Variants in ATXN2 observed in about 807,000 individuals in gnomAD.
ATXN2 encodes ataxin-2.
A neutral mutation model predicts 138.6 loss-of-function variants in ATXN2; 37 were observed. The ratio of observed to expected loss-of-function variants is 0.27; its 90% confidence interval spans 0.21 to 0.35. The LOEUF (loss-of-function observed/expected upper bound fraction) is 0.35, where lower values mean the gene tolerates loss of function less well. Among genes scored for constraint, ATXN2 ranks in the 10% least tolerant of loss-of-function variants. The pLI is 1.00. For synonymous variants in ATXN2, 549 were observed against 543.7 expected (o/e 1.01, Z -0.13); for missense variants, 1,216 against 1,480.3 (o/e 0.82, Z 2.93).
chr12:111,523,124 C>G (rs1232454456), intron 6 of ATXN2, among the ~76,000 whole-genome samples: 1 of 150,456 alleles, frequency 6.6e-6, no homozygotes, highest in Non-Finnish European at 1.5e-5. Context: ...ACTAAAAACA[C>G]AAAAATTAGC....
chr12:111,589,133 G>A (rs1884515801), intron 1 of ATXN2, among the ~76,000 whole-genome samples: 1 of 146,356 alleles, frequency 6.8e-6, no homozygotes, highest in Non-Finnish European at 1.5e-5. Context: ...TGGCCAACAT[G>A]ATGAAACCCC....
chr12:111,529,190 A>T (rs1425688688), intron 5 of ATXN2, among the ~76,000 whole-genome samples: 12 of 152,204 alleles, frequency 7.9e-5, no homozygotes, highest in Non-Finnish European at 1.5e-5. Context: ...GATTCCTGCA[A>T]AGTTGAGAAA....
chr12:111,497,097 A>C (rs1224342687), intron 14 of ATXN2, among the ~76,000 whole-genome samples: 3 of 152,174 alleles, frequency 2.0e-5, no homozygotes, highest in Non-Finnish European at 4.4e-5. Context: ...ATGCTGATAC[A>C]TTGGAAAACC....
chr12:111,506,631 TCCCC>T (rs1253945857), intron 14 of ATXN2, among the ~76,000 whole-genome samples: 1 of 141,394 alleles, frequency 7.1e-6, no homozygotes, highest in African/African-American at 2.6e-5. Flanking sequence ...CCTCTCCCTC[TCCCC>T]CCCTCCCCCT....
intron 21 of ATXN2, chr12:111,457,818 TATG>T (rs1875231211): frequency 6.5e-6 from 1 of 154,422 alleles, no homozygotes; most frequent in Non-Finnish European, 1.4e-5. Flanking sequence ...CTGTGTATGG[TATG>T]TGGCAAGGCC....
At chr12:111,566,827 G>A (rs1399332870) in intron 1 of ATXN2, among the ~76,000 whole-genome samples, 1 of 152,124 alleles carries the variant, frequency 6.6e-6, no homozygotes, top group Non-Finnish European at 1.5e-5. Flanking sequence ...TAGTAGAAAC[G>A]GGGTTTCACC....
chr12:111,597,479 T>C (rs899972106), intron 1 of ATXN2, among the ~76,000 whole-genome samples: 5 of 152,186 alleles, frequency 3.3e-5, no homozygotes, highest in Non-Finnish European at 5.9e-5. Flanking sequence ...GAAATGGACT[T>C]GCGTGCCCTT....
chr12:111,464,296 T>C (rs1022994230), intron 21 of ATXN2, among the ~76,000 whole-genome samples: 23 of 137,638 alleles, frequency 1.7e-4, no homozygotes, highest in African/African-American at 6.7e-4. Context: ...AAATAAACAT[T>C]TTAAATTTAT....
At chr12:111,498,783 A>G (rs370521238) in intron 14 of ATXN2, among the ~76,000 whole-genome samples, 1 of 152,194 alleles carries the variant, frequency 6.6e-6, no homozygotes, top group South Asian at 2.1e-4. Flanking sequence ...AATGAACAAA[A>G]CGGGAGGAAT....
intron 1 of ATXN2, chr12:111,581,543 G>T: frequency 1.0e-6 from 1 of 987,996 alleles, no homozygotes; most frequent in South Asian, 1.3e-5. Flanking sequence ...CTCCGTGCCC[G>T]ACCATGTCGT....
chr12:111,542,573 CCT>C (rs943847265), intron 5 of ATXN2, among the ~76,000 whole-genome samples: 1 of 152,102 alleles, frequency 6.6e-6, no homozygotes, highest in African/African-American at 2.4e-5. Flanking sequence ...TGCAAGTGAA[CCT>C]CTCACCTCAG....
At chr12:111,457,411 A>G (rs1166194303) in intron 21 of ATXN2, 52 bp from the exon 22 acceptor site, 1 of 1,549,880 alleles carries the variant, frequency 6.5e-7, no homozygotes, top group South Asian at 1.2e-5. Context: ...GACAACCTCC[A>G]TCGCTCCTCT....
chr12:111,560,834 C>T (rs1882643068), intron 1 of ATXN2, among the ~76,000 whole-genome samples: 1 of 151,674 alleles, frequency 6.6e-6, no homozygotes, highest in African/African-American at 2.4e-5. Context: ...ATAGAAATTG[C>T]TTGTATAACC....
chr12:111,454,703 T>C (rs1385814155), intron 23 of ATXN2: 1 of 294,582 alleles, frequency 3.4e-6, no homozygotes, highest in Non-Finnish European at 6.7e-6. Flanking sequence ...TTGGATGAAA[T>C]GCCGTTTTTA....
At chr12:111,568,377 C>T (rs887994721) in intron 1 of ATXN2, among the ~76,000 whole-genome samples, 18 of 152,046 alleles carry the variant, frequency 1.2e-4, no homozygotes, top group African/African-American at 4.3e-4. Flanking sequence ...TTTCACCATT[C>T]TGCTCATCCA....
chr12:111,496,297 C>A (rs113811888), intron 14 of ATXN2, among the ~76,000 whole-genome samples: 11 of 152,070 alleles, frequency 7.2e-5, no homozygotes, highest in African/African-American at 2.7e-4. Context: ...TTTAGGAGGC[C>A]AAGGTGGGTG....
intron 20 of ATXN2, 84 bp from the exon 21 acceptor site, chr12:111,464,799 T>C: frequency 9.5e-7 from 1 of 1,047,602 alleles, no homozygotes; most frequent in Non-Finnish European, 1.5e-6. Flanking sequence ...ATATTAGTAA[T>C]TTCTTTTTGT....
At position 111,453,869 on chromosome 12, in the gene ATXN2, C is replaced by T; in HGVS notation, c.3271-24G>A. On this transcript the variant is annotated intron_variant, in intron 23 of 24. Coordinates refer to ENST00000673436, the MANE Select transcript of ATXN2 (RefSeq NM_001372574.1). The surrounding 1 kb of genome is among the most constrained non-coding windows in gnomAD (Gnocchi z 5.4). ...GCCTGAAACAGAGAGCTCTTTTACG[C>T]ATACAGGCAACATCTCCGGCTTCAA... 1 of 1,585,210 alleles carries T rather than the reference C, an allele frequency of 6.3e-7. No homozygotes were observed. Among genetic ancestry groups the T allele is most frequent in the Non-Finnish European group, 8.6e-7 (1 of 1,162,384 alleles).
At chr12:111,455,919 C>A in intron 23 of ATXN2, 110 bp downstream of exon 23, 2 of 1,046,172 alleles carry the variant, frequency 1.9e-6, no homozygotes, top group Admixed American at 1.7e-5. Context: ...GGGAGACAGG[C>A]AAATGGCATG....
Sources: gnomAD v4.1 joint callset for allele counts (sites outside exome capture counted in the v4.1 genomes callset) on GRCh38, gnomAD v4.1.1 for gene constraint, Gnocchi (gnomAD v3.1) non-coding constraint, MANE v1.5 for transcripts, NCBI Gene and HGNC (gene_info 2026-07-23, HGNC 2026-07-21) for gene names.